Variants in EP400 observed in about 807,000 individuals in gnomAD.
The protein encoded by EP400 is E1A-binding protein p400.
EP400 carries 105 observed loss-of-function variants against 354.1 expected under a neutral mutation model. The observed-to-expected ratio is 0.30, with a 90% confidence interval of 0.25 to 0.35. EP400 has a LOEUF of 0.35. Among genes scored for constraint, EP400 ranks in the 10% least tolerant of loss-of-function variants. EP400 has a pLI of 1.00. For synonymous variants in EP400, 1,646 were observed against 1,716.9 expected (o/e 0.96, Z 1.02); for missense variants, 3,280 against 4,121.0 (o/e 0.80, Z 5.59).
chr12:132,028,435 A>G, intron 27 of EP400, 147 bp downstream of exon 27: 1 of 1,051,062 alleles, frequency 9.5e-7, no homozygotes, highest in Non-Finnish European at 1.4e-6. Flanking sequence ...TTAGTCTTTG[A>G]GGTCTTCAGC....
intron 51 of EP400, among the ~76,000 whole-genome samples, chr12:132,074,186 A>G (rs895475941): frequency 1.8e-4 from 27 of 152,048 alleles, no homozygotes; most frequent in African/African-American, 4.6e-4. Flanking sequence ...CGGCCTCCCA[A>G]AGTGCTGGGA....
rs187861813 is a variant in EP400 at position 132,073,798 on chromosome 12, C to T, written c.9022-2718C>T. Among the ~76,000 whole-genome samples, 60 of 151,864 alleles carry T rather than the reference C, an allele frequency of 4.0e-4. No homozygotes were observed. The East Asian group carries it at 7.4e-3, about 19-fold the overall frequency. ...TTGACTTTTTATGTGGAATTACTTT[C>T]CTTCCACTTGACCCATCCTTTGGAA... On this transcript the variant is annotated intron_variant, in intron 51 of 52. Coordinates refer to ENST00000389561, the MANE Select transcript of EP400 (RefSeq NM_015409.5).
chr12:131,963,229 A>G (rs941841140), intron 2 of EP400, among the ~76,000 whole-genome samples: 1 of 152,156 alleles, frequency 6.6e-6, no homozygotes, highest in African/African-American at 2.4e-5. Flanking sequence ...CAAATTTCCT[A>G]GGGAGTTGGT....
chr12:131,988,695 A>G (rs951809417), intron 7 of EP400, among the ~76,000 whole-genome samples: 1 of 152,230 alleles, frequency 6.6e-6, no homozygotes. Context: ...TAGAAACCCC[A>G]GGCCTCAGTG....
chr12:132,034,928 T>C (rs1894643491), intron 30 of EP400, among the ~76,000 whole-genome samples: 1 of 152,016 alleles, frequency 6.6e-6, no homozygotes, highest in South Asian at 2.1e-4. Flanking sequence ...ACAGCTGCAG[T>C]GAGACAGGAA....
At position 132,078,061 on chromosome 12, in the gene EP400, T is replaced by C. The variant is rs370474803; in HGVS notation, c.*388T>C. 3 of 191,084 alleles carry C rather than the reference T, an allele frequency of 1.6e-5. No homozygotes were observed. Among genetic ancestry groups the C allele is most frequent in the Admixed American group, 1.1e-4 (2 of 19,004 alleles). 11.8% of individuals were successfully genotyped at this position (191,084 alleles called of 1,614,324 possible). A position where few individuals can be genotyped will look rare whatever the true frequency, so the allele number is the denominator to read the frequency against. On this transcript the variant is annotated 3_prime_UTR_variant, in exon 53 of 53. Transcript: ENST00000389561. ...TCTGCCGTGTGTGAGGAGCATACAA[T>C]GGACTTTCTAAAGATAAGGCGTGGG... is the stretch of plus-strand genomic sequence containing the variant.
chr12:132,013,816 G>T lies in EP400; in HGVS notation c.3826G>T (p.Val1276Leu). Residue 1276 changes from valine to leucine, a missense_variant, in exon 19 of 53, where the codon GTG becomes TTG. Val to Leu is a conservative substitution (Grantham distance 32, BLOSUM62 1). Around this residue, in one of 20 missense-constraint regions of EP400, gnomAD observed 242 missense variants for 357.9 expected, o/e 0.68. Coordinates refer to ENST00000389561, the MANE Select transcript of EP400 (RefSeq NM_015409.5). The surrounding 1 kb of genome is among the most constrained non-coding windows in gnomAD (Gnocchi z 4.5). ...TATTTTGAGGAGAACTAAGAGAGATGTGGAAAAGCAACTAACAAAGAAATA... is the reference window on the plus strand; with the variant it reads ...TATTTTGAGGAGAACTAAGAGAGATTTGGAAAAGCAACTAACAAAGAAATA... ...PFILRRTKRD[V>L]EKQLTKKYEH... 1 of 1,614,248 alleles carries T rather than the reference G, an allele frequency of 6.2e-7. No individual in the cohort carries two copies. The highest frequency in any genetic ancestry group is 8.5e-7 in the Non-Finnish European group (1 of 1,180,050).
rs144228381 is a variant in EP400, at chr12:131,967,384, A to T, written c.1335+5430A>T. On this transcript the variant is annotated intron_variant, in intron 2 of 52. Coordinates refer to ENST00000389561, the MANE Select transcript of EP400 (RefSeq NM_015409.5). ...TGACAGAGCAAGACTCTGACTCAAA[A>T]AAATAAATAAATAAATAAAAAGGCT... Among the ~76,000 whole-genome samples, 560 of 150,352 alleles carry T rather than the reference A, an allele frequency of 3.7e-3. 1 individual carries two copies. The highest frequency in any genetic ancestry group is 6.8e-3 in the South Asian group (32 of 4,738).
chr12:132,006,334 G>A (rs774564089), intron 14 of EP400, 32 bp downstream of exon 14: 7 of 1,605,714 alleles, frequency 4.4e-6, no homozygotes, highest in East Asian at 2.2e-5. Flanking sequence ...TGTGGGATGG[G>A]CCTTTGAGAG....
Position 132,077,945 on chromosome 12 carries a change from G to T in EP400, c.*272G>T. 1 of 473,750 alleles carries T rather than the reference G, an allele frequency of 2.1e-6. No individual in the cohort carries two copies. The highest frequency in any genetic ancestry group is 3.8e-6 in the Non-Finnish European group (1 of 265,382). 29.3% of individuals were successfully genotyped at this position (473,750 alleles called of 1,614,324 possible). ...TCATTTCACCTTTCAGTCCCCACCC[G>T]CACCCGTCCCCTAGAGCCATAGTAC... On this transcript the variant is annotated 3_prime_UTR_variant, in exon 53 of 53. Transcript: ENST00000389561.
chr12:131,992,317 G>A, intron 11 of EP400, 87 bp downstream of exon 11: 17 of 1,236,682 alleles, frequency 1.4e-5, no homozygotes, highest in Non-Finnish European at 1.9e-5. Context: ...GTTTAGTCTT[G>A]TCATCTTCAG....
In EP400 at chr12:132,017,331, C is replaced by G. The variant is rs572216156; in HGVS notation, c.3924-204C>G. On this transcript the variant is annotated intron_variant, in intron 19 of 52. Coordinates refer to ENST00000389561, the MANE Select transcript of EP400 (RefSeq NM_015409.5). The surrounding 1 kb of genome is among the most constrained non-coding windows in gnomAD (Gnocchi z 5.0). ...CCGTCAGCTCTGGTGGGGCGGATGT[C>G]ATTCTCAATGGGGATGGCGAACAAG... Among the ~76,000 whole-genome samples the G allele has an allele frequency of 4.6e-5, 7 of 152,328 alleles. No individual in the cohort carries two copies. The East Asian group carries it at 1.3e-3, about 29-fold the overall frequency.
chr12:132,018,526 C>T lies in EP400; in HGVS notation c.4277+150C>T, dbSNP rs145775239. 54 of 1,167,370 alleles carry T rather than the reference C, an allele frequency of 4.6e-5. No homozygotes were observed. In the East Asian group the frequency reaches 1.4e-3, roughly 31 times the overall value. 72.3% of individuals were successfully genotyped at this position (1,167,370 alleles called of 1,614,324 possible). ...TGCTGGTGTCCTTGGCTGTGGTATG[C>T]CTGGCTCTGCAGATGCCTTTTAGGC... On this transcript the variant is annotated intron_variant, in intron 21 of 52. Coordinates refer to ENST00000389561, the MANE Select transcript of EP400 (RefSeq NM_015409.5). This position sits in a 1 kb window ranked among gnomAD's most constrained non-coding sequence, Gnocchi z 4.0.
At chr12:132,035,068 C>T (rs1451931921) in intron 30 of EP400, among the ~76,000 whole-genome samples, 3 of 151,622 alleles carry the variant, frequency 2.0e-5, no homozygotes, top group African/African-American at 7.2e-5. Context: ...AAGACCCCCC[C>T]TTACTCTTAA....
At chr12:131,985,935 C>T (rs1016803075) in intron 5 of EP400, among the ~76,000 whole-genome samples, 4 of 152,230 alleles carry the variant, frequency 2.6e-5, no homozygotes, top group African/African-American at 9.6e-5. Context: ...CCCTTTTAGC[C>T]TGTCTGCCAT....
At chr12:131,951,403 G>T (rs1421153320) in intron 1 of EP400, among the ~76,000 whole-genome samples, 1 of 151,692 alleles carries the variant, frequency 6.6e-6, no homozygotes, top group Non-Finnish European at 1.5e-5. Flanking sequence ...GGCTGGTCTC[G>T]AACTCCTGAC....
In EP400 at chr12:132,062,548, A is replaced by AG. The variant is rs1895734511; in HGVS notation, c.8181_8182insG (p.Gln2728AlafsTer255). The AG allele has an allele frequency of 2.8e-4, 432 of 1,564,026 alleles. No individual in the cohort carries two copies. Among genetic ancestry groups the AG allele is most frequent in the African/African-American group, 1.0e-3 (73 of 72,832 alleles). On this transcript the variant is annotated frameshift_variant, in exon 47 of 53. Coordinates refer to ENST00000389561, the MANE Select transcript of EP400 (RefSeq NM_015409.5). LOFTEE classifies it high-confidence loss of function. ...GGCAGCAGCAGCAGCAGCAGCAACA[A>AG]CAGCAGCAGCAGCAGCAGCAGCAGC...
rs76455802 is a variant in EP400 at position 131,960,613 on chromosome 12, G to A, written c.-7G>A. The A allele has an allele frequency of 0.017, 26,577 of 1,582,414 alleles. 265 individuals are homozygous for A. Among genetic ancestry groups the A allele is most frequent in the Non-Finnish European group, 0.02 (23,104 of 1,164,694 alleles). ...AACGACACATTGGATACAGAAGGGA[G>A]GTGATCATGCACCATGGCACTGGCC... On this transcript the variant is annotated 5_prime_UTR_variant, in exon 2 of 53. Transcript: ENST00000389561.
chr12:131,975,014 A>G (rs1302792780), intron 2 of EP400, among the ~76,000 whole-genome samples: 1 of 149,946 alleles, frequency 6.7e-6, no homozygotes, highest in Non-Finnish European at 1.5e-5. Flanking sequence ...AAAAAAGACC[A>G]GAGTATCTTT....
Sources: gnomAD v4.1 joint callset for allele counts (sites outside exome capture counted in the v4.1 genomes callset) on GRCh38, gnomAD v4.1.1 for gene constraint, gnomAD v4.1.1 regional missense constraint, Gnocchi (gnomAD v3.1) non-coding constraint, MANE v1.5 for transcripts, NCBI Gene and HGNC (gene_info 2026-07-23, HGNC 2026-07-21) for gene names.